Variants in ZNF420 observed in about 807,000 individuals in gnomAD.
The protein encoded by ZNF420 is zinc finger protein 420.
In ZNF420, 31 loss-of-function variants were observed where a neutral mutation model predicts 44.7. The ratio of observed to expected loss-of-function variants is 0.69; its 90% CI spans 0.52 to 0.94. The LOEUF (loss-of-function observed/expected upper bound fraction) is 0.94. ZNF420 is among the 40% of genes least tolerant of loss of function. ZNF420 has a pLI of 0.00. For synonymous variants in ZNF420, 245 were observed against 267.4 expected, an observed-to-expected ratio of 0.92 and a Z score of 0.82; for missense variants, 681 against 827.9, an observed-to-expected ratio of 0.82 and a Z score of 2.18.
intron 4 of ZNF420, among the ~76,000 whole-genome samples, chr19:37,113,909 T>G (rs1970515437): frequency 1.3e-5 from 2 of 152,170 alleles, no homozygotes; most frequent in Non-Finnish European, 2.9e-5. Flanking sequence ...AGCGATCATT[T>G]GGCCAAAATC....
intron 4 of ZNF420, 150 bp downstream of exon 4, chr19:37,091,271 C>A (rs1019295543): frequency 3.2e-5 from 23 of 729,362 alleles, no homozygotes; most frequent in African/African-American, 5.6e-5. Context: ...GACATGGTTT[C>A]TCAGGGCACC....
At chr19:37,064,840 C>T (rs1967938314) in intron 1 of ZNF420, among the ~76,000 whole-genome samples, 1 of 152,134 alleles carries the variant, frequency 6.6e-6, no homozygotes, top group Non-Finnish European at 1.5e-5. Flanking sequence ...GGTGATCAGA[C>T]CCAACACCAG....
At chr19:37,105,957 T>C (rs573530508) in intron 4 of ZNF420, among the ~76,000 whole-genome samples, 3 of 152,362 alleles carry the variant, frequency 2.0e-5, no homozygotes, top group African/African-American at 7.2e-5. Context: ...TTTCTAAATA[T>C]ACAGTCATGT....
intron 4 of ZNF420, among the ~76,000 whole-genome samples, chr19:37,095,514 C>T (rs1969391226): frequency 6.6e-6 from 1 of 151,918 alleles, no homozygotes; most frequent in Admixed American, 6.6e-5. Flanking sequence ...TATGCTATTC[C>T]TCTTTCATTA....
At chr19:37,093,942 CAGTG>C (rs1969297805) in intron 4 of ZNF420, among the ~76,000 whole-genome samples, 1 of 152,030 alleles carries the variant, frequency 6.6e-6, no homozygotes, top group South Asian at 2.1e-4. Flanking sequence ...TTGCACATCT[CAGTG>C]GGTATACTAA....
intron 1 of ZNF420, among the ~76,000 whole-genome samples, chr19:37,048,298 C>T (rs1383529201): frequency 6.6e-6 from 1 of 152,092 alleles, no homozygotes; most frequent in African/African-American, 2.4e-5. Flanking sequence ...GTTTCTTAAA[C>T]CTGTGCACAA....
chr19:37,059,005 C>A (rs1967813360), intron 1 of ZNF420, among the ~76,000 whole-genome samples: 1 of 152,212 alleles, frequency 6.6e-6, no homozygotes, highest in South Asian at 2.1e-4. Flanking sequence ...AGAGATCATC[C>A]TGTGCTGCAG....
rs117945624 is a variant in ZNF420, at chr19:37,027,945, G to T, written c.-125+19863G>T. On this transcript the variant is annotated intron_variant, in intron 1 of 4. Coordinates refer to the ZNF420 transcript ENST00000587029. ...TCAACTTATTTGGGTATGTAACAAA[G>T]AATGCAATTGCCAGATCATAGGGTA... Among the ~76,000 whole-genome samples, 153 of 152,294 alleles carry T rather than the reference G, an allele frequency of 1.0e-3. 2 individuals carry two copies. Among genetic ancestry groups the T allele is most frequent in the Non-Finnish European group, 2.0e-3 (138 of 68,036 alleles).
intron 4 of ZNF420, among the ~76,000 whole-genome samples, chr19:37,114,086 G>T (rs928556440): frequency 2.0e-5 from 3 of 152,108 alleles, no homozygotes; most frequent in Non-Finnish European, 4.4e-5. Context: ...GCTCCCTCTT[G>T]GGCCTCTTCT....
chr19:37,012,427 G>C (rs1245421256), intron 1 of ZNF420, among the ~76,000 whole-genome samples: 2 of 152,198 alleles, frequency 1.3e-5, no homozygotes, highest in Non-Finnish European at 2.9e-5. Flanking sequence ...GCCCTACATT[G>C]CAGTGCTTGG....
chr19:37,075,987 A>G (rs749383203), upstream of ZNF420, among the ~76,000 whole-genome samples: 1 of 133,456 alleles, frequency 7.5e-6, no homozygotes, highest in Non-Finnish European at 1.6e-5. Flanking sequence ...CCTGCAGTCT[A>G]CGTTTCTGAT....
chr19:37,128,573 G>C lies in ZNF420; in HGVS notation c.1582G>C (p.Glu528Gln). Residue 528 changes from glutamate to glutamine, a missense_variant, in exon 5 of 5, where the codon GAG becomes CAG. Glu to Gln is a conservative substitution (Grantham distance 29, BLOSUM62 2). Around this residue, in one of 3 missense-constraint regions of ZNF420, gnomAD observed 280 missense variants for 338.6 expected, o/e 0.83. Coordinates refer to ENST00000337995, the MANE Select transcript of ZNF420 (RefSeq NM_144689.5). ...LSQHQRLHTG[E>Q]KPYVCNECGK... Reference sequence around the variant, plus strand: ...CCAACATCAAAGACTTCACACTGGTGAGAAACCCTATGTGTGTAATGAATG... The same window carrying C: ...CCAACATCAAAGACTTCACACTGGTCAGAAACCCTATGTGTGTAATGAATG... 9 of 1,613,860 alleles carry C rather than the reference G, an allele frequency of 5.6e-6. No individual in the cohort carries two copies. The highest frequency in any genetic ancestry group is 5.9e-6 in the Non-Finnish European group (7 of 1,179,926).
At chr19:37,008,179 G>T in intron 1 of ZNF420, 1 of 314,548 alleles carries the variant, frequency 3.2e-6, no homozygotes. Flanking sequence ...TTCTCACAGA[G>T]AGCAGAACCC....
intron 4 of ZNF420, among the ~76,000 whole-genome samples, chr19:37,106,514 C>G (rs1448332778): frequency 2.0e-5 from 3 of 152,164 alleles, no homozygotes; most frequent in African/African-American, 7.2e-5. Context: ...TACCAGTAAT[C>G]TCCATTTTGC....
intron 1 of ZNF420, among the ~76,000 whole-genome samples, chr19:37,051,860 G>A (rs1011879905): frequency 1.3e-5 from 2 of 152,158 alleles, no homozygotes; most frequent in Non-Finnish European, 2.9e-5. Flanking sequence ...GGCATTTAGT[G>A]CTATAAATTT....
At chr19:37,036,265 A>G (rs1015517492) in intron 1 of ZNF420, among the ~76,000 whole-genome samples, 6 of 152,222 alleles carry the variant, frequency 3.9e-5, no homozygotes, top group African/African-American at 1.4e-4. Context: ...CAATTGATAA[A>G]TGTTTGAGGT....
upstream of ZNF420, among the ~76,000 whole-genome samples, chr19:37,074,895 T>A (rs1278016222): frequency 6.6e-6 from 1 of 152,252 alleles, no homozygotes. Context: ...CTTTTAATTT[T>A]CCTGTAGCTT....
intron 2 of ZNF420, among the ~76,000 whole-genome samples, chr19:37,083,741 G>T (rs1344718355): frequency 1.3e-5 from 2 of 152,074 alleles, no homozygotes; most frequent in Non-Finnish European, 2.9e-5. Flanking sequence ...ACAATTTCCT[G>T]TCCCAAACAT....
upstream of ZNF420, among the ~76,000 whole-genome samples, chr19:37,077,789 T>C (rs1486732840): frequency 1.3e-5 from 2 of 152,102 alleles, no homozygotes; most frequent in East Asian, 3.9e-4. Flanking sequence ...TACATACAGA[T>C]ACCCTTCATA....
Sources: gnomAD v4.1 joint callset for allele counts (sites outside exome capture counted in the v4.1 genomes callset) on GRCh38, gnomAD v4.1.1 for gene constraint, gnomAD v4.1.1 regional missense constraint, MANE v1.5 for transcripts, NCBI Gene and HGNC (gene_info 2026-07-23, HGNC 2026-07-21) for gene names.